The following CNTNAP2 variants were observed in gnomAD, a reference collection of about 807,000 sequenced individuals.
CNTNAP2 encodes the protein contactin-associated protein-like 2.
A neutral mutation model predicts 155.2 loss-of-function variants in CNTNAP2; 98 were observed. The observed-to-expected ratio is 0.63, with a 90% CI of 0.54 to 0.75. The LOEUF (loss-of-function observed/expected upper bound fraction) is 0.75, where lower values mean the gene tolerates loss of function less well. Among genes scored for constraint, CNTNAP2 ranks in the 30% least tolerant of loss-of-function variants. The pLI is 0.00. For missense variants in CNTNAP2, 1,727 were observed against 1,688.1 expected (o/e 1.02, Z -0.40); for synonymous variants, 651 against 631.2 (o/e 1.03, Z -0.47).
At chr7:147,318,548 A>G (rs1160044317) in intron 9 of CNTNAP2, among the ~76,000 whole-genome samples, 1 of 152,168 alleles carries the variant, frequency 6.6e-6, no homozygotes, top group Non-Finnish European at 1.5e-5. Context: ...ACACAGATGA[A>G]GCTGGAAAAC....
At chr7:146,196,583 A>AAG (rs1008458521) in intron 1 of CNTNAP2, among the ~76,000 whole-genome samples, 3 of 149,402 alleles carry the variant, frequency 2.0e-5, no homozygotes, top group Admixed American at 6.7e-5. Context: ...GAGAGAGAGA[A>AAG]AGAGAGAGAG....
At chr7:147,761,535 A>G (rs1038986349) in intron 13 of CNTNAP2, among the ~76,000 whole-genome samples, 2 of 152,208 alleles carry the variant, frequency 1.3e-5, no homozygotes, top group Non-Finnish European at 2.9e-5. Context: ...AGTACCTGCC[A>G]TTAATTCATC....
At chr7:147,782,903 A>G (rs1219958413) in intron 13 of CNTNAP2, among the ~76,000 whole-genome samples, 1 of 152,228 alleles carries the variant, frequency 6.6e-6, no homozygotes, top group East Asian at 1.9e-4. Flanking sequence ...ATGATGCATA[A>G]TGTTGGGAAA....
chr7:146,305,683 GT>G (rs1388509163), intron 1 of CNTNAP2, among the ~76,000 whole-genome samples: 1 of 152,088 alleles, frequency 6.6e-6, no homozygotes, highest in African/African-American at 2.4e-5. Context: ...AAATAAAGAT[GT>G]TCTTTGAAGC....
chr7:147,507,469 GTTAC>G (rs986772857), intron 11 of CNTNAP2, among the ~76,000 whole-genome samples: 4 of 149,738 alleles, frequency 2.7e-5, no homozygotes, highest in African/African-American at 9.8e-5. Context: ...ACTCTTGTCA[GTTAC>G]TTCTATATTG....
intron 1 of CNTNAP2, among the ~76,000 whole-genome samples, chr7:146,763,868 C>T (rs1328299453): frequency 1.3e-5 from 2 of 152,220 alleles, no homozygotes; most frequent in African/African-American, 4.8e-5. Context: ...TTCACCCTTA[C>T]TGGCTCTATA....
intron 11 of CNTNAP2, among the ~76,000 whole-genome samples, chr7:147,498,434 T>C (rs1201315891): frequency 6.6e-6 from 1 of 152,252 alleles, no homozygotes; most frequent in East Asian, 1.9e-4. Context: ...GCAGTGTGAT[T>C]GCCACAGTTC....
At chr7:147,315,631 G>A (rs374131893) in intron 9 of CNTNAP2, among the ~76,000 whole-genome samples, 8 of 151,734 alleles carry the variant, frequency 5.3e-5, no homozygotes, top group Admixed American at 4.6e-4. Context: ...ACAGGAGCCC[G>A]CCACACGCCC....
intron 13 of CNTNAP2, among the ~76,000 whole-genome samples, chr7:147,896,294 C>T (rs1002946262): frequency 9.9e-5 from 15 of 152,160 alleles, no homozygotes; most frequent in Non-Finnish European, 2.1e-4. Flanking sequence ...GCCTGGATCC[C>T]ATGCACAGCT....
intron 1 of CNTNAP2, among the ~76,000 whole-genome samples, chr7:146,131,518 G>A (rs546844339): frequency 6.6e-5 from 10 of 152,130 alleles, no homozygotes; most frequent in African/African-American, 2.2e-4. Flanking sequence ...TGACTTCCTG[G>A]GTTCCATGCC....
intron 8 of CNTNAP2, among the ~76,000 whole-genome samples, chr7:147,262,701 G>A (rs566404130): frequency 2.1e-4 from 32 of 152,154 alleles, no homozygotes; most frequent in Non-Finnish European, 3.8e-4. Context: ...AGCTACTCAG[G>A]AGGCTGAGGC....
At chr7:147,024,771 T>C (rs901049285) in intron 3 of CNTNAP2, among the ~76,000 whole-genome samples, 14 of 152,282 alleles carry the variant, frequency 9.2e-5, no homozygotes, top group African/African-American at 2.9e-4. Flanking sequence ...AACTCCCTCC[T>C]CAGTGGATGA....
chr7:148,107,265 C>T (rs751121919), intron 15 of CNTNAP2, among the ~76,000 whole-genome samples: 1 of 152,222 alleles, frequency 6.6e-6, no homozygotes, highest in Non-Finnish European at 1.5e-5. Flanking sequence ...CAGCTCACAG[C>T]AGTGCAGGAA....
Position 147,054,686 on chromosome 7 carries a change from G to T in CNTNAP2, c.550+10632G>T, listed in dbSNP as rs1584807845. ...GAGAGAAGAGCAAATATTTAAGATG[G>T]CAGTAATTGTCCTCATGAATTAAAA... On this transcript the variant is annotated intron_variant, in intron 4 of 23. Coordinates refer to ENST00000361727, the MANE Select transcript of CNTNAP2 (RefSeq NM_014141.6). Among the ~76,000 whole-genome samples the T allele has an allele frequency of 5.9e-5, 9 of 151,990 alleles. No individual in the cohort carries two copies. In the South Asian group the frequency reaches 1.9e-3, roughly 32 times the overall value.
intron 2 of CNTNAP2, among the ~76,000 whole-genome samples, chr7:146,833,365 GTC>G (rs1803552566): frequency 6.6e-6 from 1 of 151,880 alleles, no homozygotes; most frequent in Non-Finnish European, 1.5e-5. Flanking sequence ...TCTCTTTCTG[GTC>G]TCTCTTTCTC....
chr7:147,069,265 A>G lies in CNTNAP2; in HGVS notation c.550+25211A>G, dbSNP rs57251089. Among the ~76,000 whole-genome samples the G allele has an allele frequency of 7.7e-3, 1,170 of 152,300 alleles. 15 individuals are homozygous for G. The highest frequency in any genetic ancestry group is 0.026 in the African/African-American group (1,085 of 41,556). ...GGGAGAGCATAAATATGCAAACTCT[A>G]TCATCCTGGTTCTGTTTCTTCAGTG... On this transcript the variant is annotated intron_variant, in intron 4 of 23. Transcript: ENST00000361727.
At chr7:147,615,277 CAAAAAAAAAAAAAAAAA>C (rs58247626) in intron 12 of CNTNAP2, among the ~76,000 whole-genome samples, 10 of 28,034 alleles carry the variant, frequency 3.6e-4, no homozygotes, top group East Asian at 1.5e-3. Context: ...GACCCTGTCT[CAAAAAAAAAAAAAAAAA>C]AAAAAAAAAA....
chr7:148,244,496 T>C (rs912626266), intron 20 of CNTNAP2, among the ~76,000 whole-genome samples: 1 of 152,214 alleles, frequency 6.6e-6, no homozygotes, highest in Non-Finnish European at 1.5e-5. Context: ...TATATTTATG[T>C]TTTAATTACT....
chr7:147,458,626 C>A (rs903002151), intron 10 of CNTNAP2, among the ~76,000 whole-genome samples: 1 of 152,124 alleles, frequency 6.6e-6, no homozygotes, highest in African/African-American at 2.4e-5. Flanking sequence ...GGCATGGCAA[C>A]CTTTGCAAAG....
Sources: allele counts gnomAD v4.1 joint callset (sites outside exome capture counted in the v4.1 genomes callset), GRCh38; gene constraint gnomAD v4.1.1; transcripts MANE v1.5; gene names NCBI Gene and HGNC (gene_info 2026-07-23, HGNC 2026-07-21).